Variants in GARNL3 observed in about 807,000 individuals in gnomAD.
GARNL3 encodes GTPase activating Rap/RanGAP domain like 3.
Under a neutral mutation model 125.0 loss-of-function variants are expected in GARNL3, and 63 were observed. The observed-to-expected ratio is 0.50, with a 90% CI of 0.41 to 0.62. The LOEUF is 0.62. Among genes scored for constraint, GARNL3 ranks in the 20% least tolerant of loss-of-function variants. The pLI, the probability that GARNL3 is intolerant of heterozygous loss-of-function variation, is 0.00. For synonymous variants in GARNL3, 439 were observed against 457.5 expected, an observed-to-expected ratio of 0.96 and a Z score of 0.52; for missense variants, 994 against 1,244.0, an observed-to-expected ratio of 0.80 and a Z score of 3.02.
At chr9:127,298,680 C>T (rs921650689) in intron 2 of GARNL3, among the ~76,000 whole-genome samples, 2 of 152,086 alleles carry the variant, frequency 1.3e-5, no homozygotes, top group Non-Finnish European at 2.9e-5. Flanking sequence ...AGAATAATAT[C>T]AAAGAAGTGG....
chr9:127,383,477 G>A lies in GARNL3; in HGVS notation c.2201G>A (p.Gly734Asp). ...AAAAAGGTTTGCCCCTTTAATGGTG[G>A]CTCTTTTTTGGTTCAACCTTCTGCG... ...IYKKVCPFNG[G>D]SFLVQPSASD... The change falls in exon 23 of 28, where the codon GGC becomes GAC. Residue 734 changes from glycine to aspartate, a missense_variant. Gly to Asp is a moderately conservative substitution (Grantham distance 94, BLOSUM62 -1). Transcript: ENST00000373387. The A allele has an allele frequency of 6.2e-7, 1 of 1,613,412 alleles. No homozygotes were observed.
chr9:127,234,618 G>T (rs566084542), intron 1 of GARNL3, among the ~76,000 whole-genome samples: 225 of 152,316 alleles, frequency 1.5e-3, no homozygotes, highest in African/African-American at 5.2e-3. Flanking sequence ...ATTCACTGTA[G>T]GATTGCTTGT....
chr9:127,376,763 A>G (rs1297317649), intron 22 of GARNL3, among the ~76,000 whole-genome samples: 1 of 152,166 alleles, frequency 6.6e-6, no homozygotes. Context: ...AAATTGTCCT[A>G]AAAAATGGCA....
intron 4 of GARNL3, among the ~76,000 whole-genome samples, chr9:127,316,679 G>A (rs560839632): frequency 1.3e-4 from 20 of 152,302 alleles, no homozygotes; most frequent in Middle Eastern, 6.8e-3. Context: ...GGCTAATGGA[G>A]AACCCATAAG....
intron 6 of GARNL3, among the ~76,000 whole-genome samples, chr9:127,322,002 T>G (rs1195316515): frequency 1.3e-5 from 2 of 152,208 alleles, no homozygotes; most frequent in Non-Finnish European, 2.9e-5. Flanking sequence ...TTCTCATATC[T>G]TTTGTTTTGA....
chr9:127,350,459 GTC>G (rs1319176268), intron 17 of GARNL3, among the ~76,000 whole-genome samples: 1 of 152,086 alleles, frequency 6.6e-6, no homozygotes, highest in Non-Finnish European at 1.5e-5. Context: ...TCTTTACTAT[GTC>G]TCTATGAACT....
At chr9:127,373,698 A>G (rs1324160984) in intron 22 of GARNL3, among the ~76,000 whole-genome samples, 1 of 152,188 alleles carries the variant, frequency 6.6e-6, no homozygotes, top group Non-Finnish European at 1.5e-5. Context: ...GAGTGAATGA[A>G]AATATTGGCC....
intron 2 of GARNL3, among the ~76,000 whole-genome samples, chr9:127,292,765 A>G (rs2064462608): frequency 6.6e-6 from 1 of 152,162 alleles, no homozygotes; most frequent in Admixed American, 6.5e-5. Flanking sequence ...CATACACCAG[A>G]GGATAGGTTC....
rs75384947 is a variant in GARNL3, at chr9:127,387,392, G to A, written c.2527+61G>A. 3,960 of 1,449,938 alleles carry A rather than the reference G, an allele frequency of 2.7e-3. 87 individuals carry two copies. The African/African-American group carries it at 0.046, about 17-fold the overall frequency. 89.8% of individuals were successfully genotyped at this position (1,449,938 alleles called of 1,614,324 possible). A position where few individuals can be genotyped will look rare whatever the true frequency, so the allele number is the denominator to read the frequency against. ...TAATTCACTCTAATTTCTCTAGTTT[G>A]TTGTCTAATATCTACATGTGATTAC... is the stretch of plus-strand genomic sequence containing the variant. On this transcript the variant is annotated intron_variant, in intron 25 of 27. Transcript: ENST00000373387.
intron 21 of GARNL3, 72 bp from the exon 22 acceptor site, chr9:127,365,228 C>A: frequency 1.5e-6 from 2 of 1,345,388 alleles, no homozygotes; most frequent in Non-Finnish European, 2.1e-6. Context: ...CACAAATGCT[C>A]ACAACTTGTA....
chr9:127,261,927 C>A (rs934654007), upstream of GARNL3, among the ~76,000 whole-genome samples: 5 of 152,182 alleles, frequency 3.3e-5, no homozygotes, highest in African/African-American at 1.2e-4. Flanking sequence ...AAGAACCTCG[C>A]TAAGTTCAGC....
intron 4 of GARNL3, among the ~76,000 whole-genome samples, chr9:127,315,706 A>T (rs1261739280): frequency 6.6e-6 from 1 of 152,226 alleles, no homozygotes; most frequent in Non-Finnish European, 1.5e-5. Flanking sequence ...TACTCTACAC[A>T]GTCTTGCATA....
intron 2 of GARNL3, among the ~76,000 whole-genome samples, chr9:127,305,721 C>T (rs765956599): frequency 1.2e-4 from 18 of 151,882 alleles, no homozygotes; most frequent in Non-Finnish European, 2.1e-4. Flanking sequence ...TACAGGCACA[C>T]ACTACCATAC....
At chr9:127,391,723 TAGTA>T (rs1217465256) in intron 27 of GARNL3, among the ~76,000 whole-genome samples, 12 of 149,032 alleles carry the variant, frequency 8.1e-5, no homozygotes, top group Admixed American at 8.0e-4. Flanking sequence ...AAAAAACACT[TAGTA>T]AGACTGCAGG....
intron 16 of GARNL3, among the ~76,000 whole-genome samples, chr9:127,348,655 A>G (rs138304858): frequency 6.6e-5 from 10 of 152,354 alleles, no homozygotes; most frequent in East Asian, 3.9e-4. Context: ...GAATGCGTCA[A>G]TTGCCTCTGA....
At chr9:127,291,965 T>C (rs1487502970) in intron 2 of GARNL3, among the ~76,000 whole-genome samples, 1 of 152,144 alleles carries the variant, frequency 6.6e-6, no homozygotes, top group Non-Finnish European at 1.5e-5. Context: ...TTGCAAGAAT[T>C]CAGTGAGCTA....
In GARNL3 at chr9:127,388,998, G is replaced by T; in HGVS notation, c.2622G>T (p.Lys874Asn). ...ERPLKSPLVS[K>N]VITPPTPISV... ...CTCTGAAGTCACCCTTAGTCTCCAA[G>T]GTCATCACCCCACCCACTCCCATCA... Residue 874 changes from lysine to asparagine, a missense_variant, in exon 26 of 28, where the codon AAG becomes AAT. Coordinates refer to ENST00000373387, the MANE Select transcript of GARNL3 (RefSeq NM_032293.5). 1 of 1,613,868 alleles carries T rather than the reference G, an allele frequency of 6.2e-7. No homozygotes were observed. Among genetic ancestry groups the T allele is most frequent in the Non-Finnish European group, 8.5e-7 (1 of 1,179,746 alleles).
At chr9:127,320,614 C>CAGAA (rs2065369938) in intron 5 of GARNL3, 101 bp from the exon 6 acceptor site, 1 of 734,212 alleles carries the variant, frequency 1.4e-6, no homozygotes, top group Non-Finnish European at 2.4e-6. Flanking sequence ...TGATTTGTAT[C>CAGAA]TTCTGAGTGT....
intron 1 of GARNL3, among the ~76,000 whole-genome samples, chr9:127,274,775 C>T (rs1033224529): frequency 3.3e-5 from 5 of 152,172 alleles, no homozygotes; most frequent in Non-Finnish European, 7.3e-5. Context: ...TTCATATAAC[C>T]AGAAATACAA....
Sources: gnomAD v4.1 joint callset for allele counts (sites outside exome capture counted in the v4.1 genomes callset) on GRCh38, gnomAD v4.1.1 for gene constraint, MANE v1.5 for transcripts, NCBI Gene and HGNC (gene_info 2026-07-23, HGNC 2026-07-21) for gene names.